Variants in KCNIP1 observed in about 807,000 individuals in gnomAD.
KCNIP1 encodes the protein A-type potassium channel modulatory protein KCNIP1.
A neutral mutation model predicts 33.0 loss-of-function variants in KCNIP1; 18 were observed. That is an observed-to-expected ratio of 0.55 (90% confidence interval 0.38 to 0.81). The LOEUF (loss-of-function observed/expected upper bound fraction) is 0.81. Ranked by LOEUF, KCNIP1 falls within the 30% of genes least tolerant of loss-of-function variation. KCNIP1 has a pLI of 0.00. For missense variants in KCNIP1, 238 were observed against 271.6 expected (o/e 0.88, Z 0.87); for synonymous variants, 93 against 98.3 (o/e 0.95, Z 0.32).
chr5:170,358,228 G>A (rs1302105609), intron 1 of KCNIP1, among the ~76,000 whole-genome samples: 1 of 152,216 alleles, frequency 6.6e-6, no homozygotes, highest in South Asian at 2.1e-4. Context: ...TCCAATCCAG[G>A]AGAGCTTCTA....
At chr5:170,409,144 G>T (rs1755113953) in intron 1 of KCNIP1, among the ~76,000 whole-genome samples, 3 of 152,202 alleles carry the variant, frequency 2.0e-5, no homozygotes, top group Admixed American at 2.0e-4. Context: ...GACCTAAGAG[G>T]CAGATCCAGG....
At chr5:170,383,368 A>G in intron 1 of KCNIP1, 1 of 593,800 alleles carries the variant, frequency 1.7e-6, no homozygotes, top group Non-Finnish European at 3.0e-6. Context: ...GGCACTTTAT[A>G]TACAGCGTCT....
intron 1 of KCNIP1, among the ~76,000 whole-genome samples, chr5:170,610,248 A>G (rs956108571): frequency 6.6e-6 from 1 of 152,236 alleles, no homozygotes; most frequent in African/African-American, 2.4e-5. Flanking sequence ...ATGTTAGAAT[A>G]AATACACACC....
intron 1 of KCNIP1, among the ~76,000 whole-genome samples, chr5:170,582,714 T>C (rs1224996115): frequency 6.6e-6 from 1 of 152,186 alleles, no homozygotes; most frequent in East Asian, 1.9e-4. Context: ...AGATCACTTA[T>C]CTGTATAACA....
chr5:170,732,320 A>G lies in KCNIP1; in HGVS notation c.436-480A>G, dbSNP rs528903830. On this transcript the variant is annotated intron_variant, in intron 5 of 7. Coordinates refer to ENST00000328939, the MANE Select transcript of KCNIP1 (RefSeq NM_014592.4). ...TCAATAGGTTTGGAGTGGACTTGAG[A>G]ACTGATCTTTTTAATAAGGGCCTCA... Among the ~76,000 whole-genome samples the G allele has an allele frequency of 3.4e-3, 511 of 152,198 alleles. 3 individuals carry two copies. The highest frequency in any genetic ancestry group is 0.012 in the African/African-American group (489 of 41,528).
chr5:170,373,708 T>C (rs1763909519), intron 1 of KCNIP1, among the ~76,000 whole-genome samples: 1 of 152,250 alleles, frequency 6.6e-6, no homozygotes, highest in Admixed American at 6.5e-5. Context: ...TAGAATCTCA[T>C]TGCTACCTCG....
chr5:170,510,466 G>A (rs1754891614), intron 1 of KCNIP1, among the ~76,000 whole-genome samples: 1 of 152,186 alleles, frequency 6.6e-6, no homozygotes, highest in African/African-American at 2.4e-5. Context: ...CTCCTGGGGA[G>A]AAGCTCTGCA....
chr5:170,683,889 A>AGTGTGT (rs756936341), intron 1 of KCNIP1, among the ~76,000 whole-genome samples: 1,265 of 124,666 alleles, frequency 0.01, 26 homozygotes, highest in African/African-American at 0.022. Flanking sequence ...ATGCCCAGCT[A>AGTGTGT]GTGTATGTGT....
intron 1 of KCNIP1, among the ~76,000 whole-genome samples, chr5:170,637,894 G>T (rs1456888357): frequency 6.6e-6 from 1 of 152,118 alleles, no homozygotes; most frequent in Admixed American, 6.5e-5. Context: ...CCCAGAAGAG[G>T]CATGCAGTCG....
intron 1 of KCNIP1, among the ~76,000 whole-genome samples, chr5:170,614,007 G>A: frequency 6.6e-6 from 1 of 152,196 alleles, no homozygotes; most frequent in East Asian, 1.9e-4. Context: ...AGGTGATGAA[G>A]TGAAGTGTTC....
intron 5 of KCNIP1, among the ~76,000 whole-genome samples, chr5:170,725,834 A>T (rs1479363392): frequency 3.9e-5 from 6 of 152,158 alleles, no homozygotes; most frequent in Non-Finnish European, 8.8e-5. Context: ...AATATTTTTT[A>T]AAAATAGAGA....
intron 1 of KCNIP1, among the ~76,000 whole-genome samples, chr5:170,435,109 G>C (rs976296682): frequency 2.6e-5 from 4 of 152,204 alleles, no homozygotes; most frequent in African/African-American, 9.6e-5. Flanking sequence ...CTGGTAGCCT[G>C]GCCTGAGGCC....
chr5:170,448,369 G>A (rs537991471), intron 1 of KCNIP1, among the ~76,000 whole-genome samples: 35 of 152,350 alleles, frequency 2.3e-4, no homozygotes, highest in Admixed American at 5.2e-4. Context: ...GCCAGGCCCC[G>A]TGTCCTCTTA....
In KCNIP1 at chr5:170,731,975, T is replaced by TA. The variant is rs1764220342; in HGVS notation, c.436-825_436-824insA. Among the ~76,000 whole-genome samples, 6 of 152,072 alleles carry TA rather than the reference T, an allele frequency of 3.9e-5. No homozygotes were observed. The South Asian group carries it at 1.2e-3, about 32-fold the overall frequency. ...GTGAAGCCATGTTAATTTCCTGGGTTTGGTCATTGTGCTCTGGTTATGCAA... is the reference window on the plus strand; with the variant it reads ...GTGAAGCCATGTTAATTTCCTGGGTTATGGTCATTGTGCTCTGGTTATGCAA... On this transcript the variant is annotated intron_variant, in intron 5 of 7. Transcript: ENST00000328939.
At chr5:170,524,491 T>C (rs1755495257) in intron 1 of KCNIP1, among the ~76,000 whole-genome samples, 1 of 152,178 alleles carries the variant, frequency 6.6e-6, no homozygotes, top group South Asian at 2.1e-4. Flanking sequence ...TATTCTTTCT[T>C]CCCATCTATA....
chr5:170,378,764 G>A, intron 1 of KCNIP1: 2 of 1,614,182 alleles, frequency 1.2e-6, no homozygotes, highest in East Asian at 2.2e-5. Flanking sequence ...CGATAATGAG[G>A]AGGCCACCGG....
At chr5:170,593,288 T>G (rs1408250036) in intron 1 of KCNIP1, among the ~76,000 whole-genome samples, 1 of 152,188 alleles carries the variant, frequency 6.6e-6, no homozygotes, top group Non-Finnish European at 1.5e-5. Flanking sequence ...CCATGTATTC[T>G]GGAGACTCTC....
At chr5:170,397,458 G>T (rs1274695198) in intron 1 of KCNIP1, among the ~76,000 whole-genome samples, 2 of 152,042 alleles carry the variant, frequency 1.3e-5, no homozygotes, top group African/African-American at 2.4e-5. Flanking sequence ...GGAAAACTAG[G>T]TAAGAGCAAA....
chr5:170,665,476 C>G (rs11744365), intron 1 of KCNIP1, among the ~76,000 whole-genome samples: 26,579 of 152,046 alleles, frequency 0.17, 3,075 homozygotes, highest in African/African-American at 0.33. Context: ...AAAACAAACT[C>G]TTCATTTTAG....
Sources: allele counts gnomAD v4.1 joint callset (sites outside exome capture counted in the v4.1 genomes callset), GRCh38; gene constraint gnomAD v4.1.1; transcripts MANE v1.5; gene names NCBI Gene and HGNC (gene_info 2026-07-23, HGNC 2026-07-21).